TAFA2: variants seen among roughly 807,000 people sequenced by gnomAD.
TAFA2 encodes TAFA chemokine like family member 2.
TAFA2 carries 7 observed loss-of-function variants against 18.8 expected under a neutral mutation model. The ratio of observed to expected loss-of-function variants is 0.37; its 90% CI spans 0.21 to 0.70. The LOEUF is 0.70. Ranked by LOEUF, TAFA2 falls within the 30% of genes least tolerant of loss-of-function variation. TAFA2 has a pLI of 0.53. For synonymous variants in TAFA2, 60 were observed against 54.2 expected (o/e 1.11, Z -0.47); for missense variants, 122 against 158.1 (o/e 0.77, Z 1.23).
intron 1 of TAFA2, among the ~76,000 whole-genome samples, chr12:61,883,218 G>A (rs1177513939): frequency 6.6e-6 from 1 of 152,126 alleles, no homozygotes; most frequent in Non-Finnish European, 1.5e-5. Context: ...ACAAGTTTGT[G>A]ATAATGTATT....
chr12:61,984,611 T>C (rs1879753468), intron 1 of TAFA2, among the ~76,000 whole-genome samples: 1 of 152,228 alleles, frequency 6.6e-6, no homozygotes, highest in South Asian at 2.1e-4. Flanking sequence ...ACTTGTATTA[T>C]TCTAAAGAAC....
intron 4 of TAFA2, among the ~76,000 whole-genome samples, chr12:61,735,886 G>A (rs556997844): frequency 3.0e-4 from 45 of 151,908 alleles, no homozygotes; most frequent in African/African-American, 1.1e-3. Flanking sequence ...GTGAGACTGG[G>A]GCCATAATCT....
chr12:61,741,461 A>C (rs1230044520), intron 4 of TAFA2, among the ~76,000 whole-genome samples: 1 of 152,136 alleles, frequency 6.6e-6, no homozygotes, highest in African/African-American at 2.4e-5. Flanking sequence ...CAAGAAAAAA[A>C]TTCAGTTCAA....
chr12:62,137,182 C>T (rs1870929770), intron 1 of TAFA2, among the ~76,000 whole-genome samples: 1 of 152,088 alleles, frequency 6.6e-6, no homozygotes, highest in South Asian at 2.1e-4. Context: ...ATGTCCTGCA[C>T]CGATTCTTCC....
chr12:62,173,907 A>G (rs2062495115), intron 1 of TAFA2, among the ~76,000 whole-genome samples: 2 of 152,204 alleles, frequency 1.3e-5, no homozygotes, highest in African/African-American at 4.8e-5. Flanking sequence ...TATAGGTGGA[A>G]AATCAGACCA....
intron 1 of TAFA2, among the ~76,000 whole-genome samples, chr12:62,174,464 CA>C (rs1592382386): frequency 6.6e-6 from 1 of 152,126 alleles, no homozygotes; most frequent in Non-Finnish European, 1.5e-5. Flanking sequence ...GAGAGAACCA[CA>C]GATACTGTTT....
chr12:62,101,119 C>G (rs897596379), intron 1 of TAFA2, among the ~76,000 whole-genome samples: 3 of 152,084 alleles, frequency 2.0e-5, no homozygotes, highest in Non-Finnish European at 4.4e-5. Flanking sequence ...ATCTACTTCT[C>G]AAGAGTGCCC....
At chr12:61,849,704 G>A (rs903513191) in intron 2 of TAFA2, among the ~76,000 whole-genome samples, 1 of 152,276 alleles carries the variant, frequency 6.6e-6, no homozygotes, top group African/African-American at 2.4e-5. Context: ...GGCGTTCACA[G>A]AGCCAAGACT....
intron 2 of TAFA2, among the ~76,000 whole-genome samples, chr12:61,761,644 C>A (rs1336424294): frequency 6.6e-6 from 1 of 152,014 alleles, no homozygotes; most frequent in Non-Finnish European, 1.5e-5. Context: ...GACAAGGAAA[C>A]TATACCTCCA....
chr12:61,711,238 G>A (rs1869393711), intron 4 of TAFA2, among the ~76,000 whole-genome samples: 1 of 151,482 alleles, frequency 6.6e-6, no homozygotes, highest in African/African-American at 2.4e-5. Context: ...AAACACACAG[G>A]GAGAGGGAGA....
intron 1 of TAFA2, among the ~76,000 whole-genome samples, chr12:61,884,925 C>T (rs1469669021): frequency 6.6e-6 from 1 of 152,180 alleles, no homozygotes; most frequent in Non-Finnish European, 1.5e-5. Context: ...GAGTTTTTCA[C>T]TCCATTCCAT....
At chr12:61,764,230 T>TAGATA (rs1555163229) in intron 2 of TAFA2, among the ~76,000 whole-genome samples, 1,615 of 150,114 alleles carry the variant, frequency 0.011, 11 homozygotes, top group African/African-American at 0.015. Context: ...GATGATTGAT[T>TAGATA]GATAGATAGA....
chr12:62,250,190 C>A (rs1222727171), intron 1 of TAFA2, among the ~76,000 whole-genome samples: 1 of 152,194 alleles, frequency 6.6e-6, no homozygotes, highest in East Asian at 1.9e-4. Context: ...GTCTTGAATA[C>A]TTTAACTGAA....
intron 1 of TAFA2, among the ~76,000 whole-genome samples, chr12:62,157,057 T>C (rs1307708657): frequency 6.6e-6 from 1 of 152,162 alleles, no homozygotes; most frequent in African/African-American, 2.4e-5. Flanking sequence ...TTGCAAGTGA[T>C]AAAATTAAAC....
At chr12:62,133,056 C>A (rs374326261) in intron 1 of TAFA2, among the ~76,000 whole-genome samples, 34 of 151,898 alleles carry the variant, frequency 2.2e-4, no homozygotes, top group Non-Finnish European at 4.4e-4. Flanking sequence ...CTGTACATTG[C>A]AAGACCTCCA....
chr12:61,835,815 T>A (rs1311610650), intron 2 of TAFA2, among the ~76,000 whole-genome samples: 3 of 151,942 alleles, frequency 2.0e-5, no homozygotes, highest in African/African-American at 4.8e-5. Context: ...CTTCATTCAA[T>A]AAATATTTGT....
intron 1 of TAFA2, among the ~76,000 whole-genome samples, chr12:61,905,225 T>G (rs1339044388): frequency 1.3e-5 from 2 of 152,162 alleles, no homozygotes; most frequent in Non-Finnish European, 2.9e-5. Flanking sequence ...GAAGATAGTT[T>G]CTTATCTTCT....
chr12:61,995,630 T>C (rs1880159683), intron 1 of TAFA2, among the ~76,000 whole-genome samples: 1 of 152,180 alleles, frequency 6.6e-6, no homozygotes, highest in Non-Finnish European at 1.5e-5. Flanking sequence ...AATGAATTGA[T>C]AATTATGTGC....
At chr12:61,977,008 G>A (rs1488681802) in intron 1 of TAFA2, among the ~76,000 whole-genome samples, 1 of 152,048 alleles carries the variant, frequency 6.6e-6, no homozygotes, top group African/African-American at 2.4e-5. Flanking sequence ...CTTTGTAGTA[G>A]CATGATTTAT....
Sources: allele counts gnomAD v4.1 joint callset (sites outside exome capture counted in the v4.1 genomes callset), GRCh38; gene constraint gnomAD v4.1.1; transcripts MANE v1.5; gene names NCBI Gene and HGNC (gene_info 2026-07-23, HGNC 2026-07-21).